Variants in SFMBT2 observed in about 807,000 individuals in gnomAD.
The protein encoded by SFMBT2 is scm-like with four MBT domains protein 2.
In SFMBT2, 38 loss-of-function variants were observed where a neutral mutation model predicts 110.1. That is an observed-to-expected ratio of 0.35 (90% CI 0.27 to 0.45). The LOEUF (loss-of-function observed/expected upper bound fraction) is 0.45, where lower values mean the gene tolerates loss of function less well. Ranked by LOEUF, SFMBT2 falls within the 20% of genes least tolerant of loss-of-function variation. SFMBT2 has a pLI of 1.00. For synonymous variants in SFMBT2, 425 were observed against 425.4 expected, an observed-to-expected ratio of 1.00 and a Z score of 0.01; for missense variants, 1,011 against 1,094.9, an observed-to-expected ratio of 0.92 and a Z score of 1.08.
intron 2 of SFMBT2, 137 bp downstream of exon 2, chr10:7,381,662 T>C (rs1588497887): frequency 7.7e-6 from 7 of 914,644 alleles, no homozygotes; most frequent in South Asian, 3.9e-5. Context: ...CATATCCTTA[T>C]AAATAGGACT....
At chr10:7,233,313 C>G (rs1465622946) in intron 9 of SFMBT2, among the ~76,000 whole-genome samples, 1 of 152,068 alleles carries the variant, frequency 6.6e-6, no homozygotes, top group Admixed American at 6.5e-5. Flanking sequence ...CAGGCTCCAG[C>G]GACTACTGGG....
At chr10:7,291,002 C>T (rs1430145793) in intron 4 of SFMBT2, among the ~76,000 whole-genome samples, 6 of 152,214 alleles carry the variant, frequency 3.9e-5, no homozygotes, top group Admixed American at 2.6e-4. Context: ...CTCTCAGGGA[C>T]GTGACCTGTG....
chr10:7,278,707 C>T (rs991848222), intron 6 of SFMBT2, among the ~76,000 whole-genome samples: 2 of 152,184 alleles, frequency 1.3e-5, no homozygotes, highest in African/African-American at 4.8e-5. Flanking sequence ...ACCTGGCTGA[C>T]ACCTTTGGCC....
At chr10:7,179,412 A>AC (rs1342388756) in intron 16 of SFMBT2, among the ~76,000 whole-genome samples, 2 of 151,232 alleles carry the variant, frequency 1.3e-5, no homozygotes, top group African/African-American at 4.9e-5. Flanking sequence ...AAAAAAAAAA[A>AC]AAAACAAAAG....
intron 1 of SFMBT2, among the ~76,000 whole-genome samples, chr10:7,391,082 A>C (rs1174952571): frequency 6.6e-6 from 1 of 152,144 alleles, no homozygotes; most frequent in Non-Finnish European, 1.5e-5. Flanking sequence ...CCTGGGCAAC[A>C]GAGTGAGACT....
intron 4 of SFMBT2, among the ~76,000 whole-genome samples, chr10:7,288,863 C>T (rs558351923): frequency 1.2e-3 from 163 of 140,054 alleles, no homozygotes; most frequent in African/African-American, 5.1e-3. Context: ...ACCCCCCCCC[C>T]CATCTCCACT....
At chr10:7,198,818 A>G (rs1838858810) in intron 14 of SFMBT2, among the ~76,000 whole-genome samples, 1 of 152,008 alleles carries the variant, frequency 6.6e-6, no homozygotes, top group Admixed American at 6.5e-5. Context: ...AGGTGGGTGG[A>G]TCACCTGAGG....
At chr10:7,303,575 A>G (rs1842614210) in intron 4 of SFMBT2, among the ~76,000 whole-genome samples, 1 of 152,254 alleles carries the variant, frequency 6.6e-6, no homozygotes, top group Non-Finnish European at 1.5e-5. Flanking sequence ...GACACTAAAT[A>G]TAACCACAAC....
chr10:7,190,436 T>G (rs563317447), intron 15 of SFMBT2, among the ~76,000 whole-genome samples: 115 of 152,316 alleles, frequency 7.6e-4, no homozygotes, highest in African/African-American at 2.6e-3. Context: ...GAAAAGAAAA[T>G]GCCTTCTGGA....
At chr10:7,321,347 G>T (rs551221853) in intron 4 of SFMBT2, among the ~76,000 whole-genome samples, 45 of 152,126 alleles carry the variant, frequency 3.0e-4, no homozygotes, top group Non-Finnish European at 5.7e-4. Flanking sequence ...GACTACAGGC[G>T]CCCGCCAACA....
At chr10:7,341,697 A>C (rs1028760128) in intron 4 of SFMBT2, among the ~76,000 whole-genome samples, 1 of 152,198 alleles carries the variant, frequency 6.6e-6, no homozygotes, top group Non-Finnish European at 1.5e-5. Context: ...ACAGACACAT[A>C]CTAAAATATT....
chr10:7,247,718 A>C (rs1280997301), intron 8 of SFMBT2, among the ~76,000 whole-genome samples: 1 of 152,254 alleles, frequency 6.6e-6, no homozygotes, highest in Non-Finnish European at 1.5e-5. Flanking sequence ...AGTGAAGTAC[A>C]CAAAAGACCA....
intron 17 of SFMBT2, among the ~76,000 whole-genome samples, chr10:7,173,861 T>C (rs1454824227): frequency 6.6e-6 from 1 of 152,088 alleles, no homozygotes; most frequent in Non-Finnish European, 1.5e-5. Context: ...GCAGGGAGCA[T>C]GATTTTAGTG....
At chr10:7,275,895 GA>G (rs1481779709) in intron 7 of SFMBT2, among the ~76,000 whole-genome samples, 2 of 152,228 alleles carry the variant, frequency 1.3e-5, no homozygotes, top group Non-Finnish European at 2.9e-5. Context: ...TCTTCTACAT[GA>G]AACTTGTACG....
At chr10:7,164,205 G>A (rs940429906) in intron 20 of SFMBT2, 6 of 789,760 alleles carry the variant, frequency 7.6e-6, no homozygotes, top group East Asian at 1.3e-4. Flanking sequence ...TGGGTAACAC[G>A]GTGAGATACG....
At chr10:7,380,048 T>C (rs903730645) in intron 2 of SFMBT2, among the ~76,000 whole-genome samples, 4 of 152,202 alleles carry the variant, frequency 2.6e-5, no homozygotes, top group Non-Finnish European at 5.9e-5. Context: ...CCACGTTGGA[T>C]GTGTGCAGAT....
At chr10:7,410,099 G>T (rs1457890938) in intron 1 of SFMBT2, among the ~76,000 whole-genome samples, 1 of 152,142 alleles carries the variant, frequency 6.6e-6, no homozygotes, top group Non-Finnish European at 1.5e-5. Context: ...TCCAGAACCA[G>T]CTCAAGTCAG....
intron 4 of SFMBT2, among the ~76,000 whole-genome samples, chr10:7,317,368 C>T (rs533757157): frequency 5.3e-5 from 8 of 152,190 alleles, no homozygotes; most frequent in Middle Eastern, 3.4e-3. Context: ...TCATGGCCAG[C>T]GTGGTGGCTC....
At chr10:7,307,777 T>A (rs1287458517) in intron 4 of SFMBT2, among the ~76,000 whole-genome samples, 1 of 152,202 alleles carries the variant, frequency 6.6e-6, no homozygotes, top group Non-Finnish European at 1.5e-5. Flanking sequence ...GAGGAAAAGA[T>A]TTCTTACTGG....
Sources: allele counts gnomAD v4.1 joint callset (sites outside exome capture counted in the v4.1 genomes callset), GRCh38; gene constraint gnomAD v4.1.1; transcripts MANE v1.5; gene names NCBI Gene and HGNC (gene_info 2026-07-23, HGNC 2026-07-21).